PDE4D: variants seen among roughly 807,000 people sequenced by gnomAD.
PDE4D encodes the protein 3',5'-cyclic-AMP phosphodiesterase 4D.
PDE4D carries 24 observed loss-of-function variants against 87.4 expected under a neutral mutation model. That is an observed-to-expected ratio of 0.27 (90% CI 0.20 to 0.39). PDE4D has a LOEUF of 0.39. PDE4D is among the 10% of genes least tolerant of loss of function. The probability of loss-of-function intolerance (pLI) is 1.00; values close to 1 mark genes in which losing one functional copy is unlikely to be tolerated. For missense variants in PDE4D, 714 were observed against 1,041.0 expected (o/e 0.69, Z 4.32); for synonymous variants, 384 against 383.2 (o/e 1.00, Z -0.02).
At chr5:60,377,565 T>C (rs1468559551) in intron 1 of PDE4D, among the ~76,000 whole-genome samples, 1 of 152,128 alleles carries the variant, frequency 6.6e-6, no homozygotes, top group Non-Finnish European at 1.5e-5. Flanking sequence ...ATGAGTTTAG[T>C]CAAAGATCTC....
chr5:60,373,015 T>A (rs1157566228), intron 1 of PDE4D, among the ~76,000 whole-genome samples: 1 of 152,198 alleles, frequency 6.6e-6, no homozygotes, highest in African/African-American at 2.4e-5. Context: ...CTAGCTCAAT[T>A]ATTAACTCCC....
chr5:60,273,544 A>G (rs1194018274), intron 1 of PDE4D, among the ~76,000 whole-genome samples: 3 of 152,218 alleles, frequency 2.0e-5, no homozygotes, highest in Non-Finnish European at 4.4e-5. Context: ...AGTGGATTAG[A>G]GATGGACAGA....
chr5:59,236,373 C>T (rs987210541), intron 1 of PDE4D, among the ~76,000 whole-genome samples: 2 of 152,134 alleles, frequency 1.3e-5, no homozygotes, highest in African/African-American at 2.4e-5. Context: ...AGAGATTGTC[C>T]TTTTCAATTA....
intron 1 of PDE4D, among the ~76,000 whole-genome samples, chr5:60,276,985 T>A (rs1318167608): frequency 6.6e-6 from 1 of 152,064 alleles, no homozygotes; most frequent in Non-Finnish European, 1.5e-5. Flanking sequence ...ATATTTTTTA[T>A]TCCATAATGC....
At chr5:59,826,415 T>TG (rs1770328622) in intron 1 of PDE4D, among the ~76,000 whole-genome samples, 1 of 152,192 alleles carries the variant, frequency 6.6e-6, no homozygotes, top group Non-Finnish European at 1.5e-5. Context: ...CTCCAAGTTG[T>TG]GCACATGAAA....
intron 1 of PDE4D, among the ~76,000 whole-genome samples, chr5:59,397,849 A>G: frequency 8.1e-6 from 1 of 124,054 alleles, no homozygotes; most frequent in African/African-American, 3.2e-5. Flanking sequence ...CTAATAAAGA[A>G]AAAAAGAGAG....
chr5:59,244,457 T>C (rs948110796), intron 1 of PDE4D, among the ~76,000 whole-genome samples: 2 of 151,046 alleles, frequency 1.3e-5, no homozygotes, highest in African/African-American at 4.9e-5. Context: ...CACACATATA[T>C]ATATATACAT....
At chr5:60,430,078 C>T (rs1744085052) in intron 1 of PDE4D, 2 of 523,936 alleles carry the variant, frequency 3.8e-6, no homozygotes, top group Non-Finnish European at 7.6e-6. Flanking sequence ...TTTGTTGAGC[C>T]TGGTATCAAA....
chr5:60,190,905 G>A (rs1275726779), intron 1 of PDE4D, among the ~76,000 whole-genome samples: 1 of 152,154 alleles, frequency 6.6e-6, no homozygotes, highest in African/African-American at 2.4e-5. Context: ...CAAGTGATCT[G>A]TGATTTGCAT....
intron 1 of PDE4D, among the ~76,000 whole-genome samples, chr5:60,407,961 A>C (rs937642438): frequency 6.6e-6 from 1 of 152,070 alleles, no homozygotes; most frequent in Admixed American, 6.6e-5. Flanking sequence ...TTGGACATGA[A>C]AAGCAGTGTA....
intron 6 of PDE4D, among the ~76,000 whole-genome samples, chr5:58,995,982 T>C (rs528642966): frequency 6.7e-6 from 1 of 149,030 alleles, no homozygotes; most frequent in Admixed American, 6.7e-5. Flanking sequence ...GTTCACGTCC[T>C]TTGCAGGGAC....
chr5:59,574,005 A>AAAATATAT (rs1266408182), intron 1 of PDE4D, among the ~76,000 whole-genome samples: 9 of 119,684 alleles, frequency 7.5e-5, no homozygotes, highest in African/African-American at 3.2e-4. Context: ...CTCAAAAAAA[A>AAAATATAT]ATATATATAT....
At chr5:59,421,617 G>T (rs1443552201) in intron 1 of PDE4D, among the ~76,000 whole-genome samples, 1 of 152,094 alleles carries the variant, frequency 6.6e-6, no homozygotes, top group Non-Finnish European at 1.5e-5. Context: ...AGAAGAAAAA[G>T]ACCAGATGGT....
At chr5:60,114,715 A>C (rs1212152133) in intron 2 of PDE4D, among the ~76,000 whole-genome samples, 6 of 152,146 alleles carry the variant, frequency 3.9e-5, no homozygotes, top group Non-Finnish European at 8.8e-5. Flanking sequence ...CTCATCCATC[A>C]TCACTTTGCT....
intron 1 of PDE4D, among the ~76,000 whole-genome samples, chr5:59,641,449 G>T (rs1477597244): frequency 6.6e-6 from 1 of 152,130 alleles, no homozygotes. Context: ...ACATATTCTG[G>T]AAAGGGAGAG....
chr5:60,415,954 T>TTC (rs1369197296), intron 1 of PDE4D, among the ~76,000 whole-genome samples: 2,019 of 152,294 alleles, frequency 0.013, 41 homozygotes, highest in African/African-American at 0.045. Flanking sequence ...ACTCTGTATG[T>TTC]AGCTCAAGGT....
At chr5:60,401,789 G>C (rs1016054576) in intron 1 of PDE4D, among the ~76,000 whole-genome samples, 1 of 152,162 alleles carries the variant, frequency 6.6e-6, no homozygotes, top group Admixed American at 6.5e-5. Context: ...CATTGAAATG[G>C]TTCCCAGAAC....
chr5:59,002,879 A>G (rs1389244793), intron 6 of PDE4D, among the ~76,000 whole-genome samples: 2 of 152,252 alleles, frequency 1.3e-5, no homozygotes, highest in African/African-American at 2.4e-5. Context: ...TGAGGATTAA[A>G]TGAGACCATA....
chr5:59,680,940 T>C (rs1218087775), intron 1 of PDE4D, among the ~76,000 whole-genome samples: 2 of 152,142 alleles, frequency 1.3e-5, no homozygotes, highest in African/African-American at 2.4e-5. Context: ...CCCATGGATA[T>C]AGGTATGTGT....
Sources: allele counts gnomAD v4.1 joint callset (sites outside exome capture counted in the v4.1 genomes callset), GRCh38; gene constraint gnomAD v4.1.1; transcripts MANE v1.5; gene names NCBI Gene and HGNC (gene_info 2026-07-23, HGNC 2026-07-21).